Variants in CLTB observed in about 807,000 individuals in gnomAD.
CLTB encodes the protein clathrin light chain B.
A neutral mutation model predicts 30.5 loss-of-function variants in CLTB; 10 were observed. That is an observed-to-expected ratio of 0.33 (90% confidence interval 0.20 to 0.56). The LOEUF (loss-of-function observed/expected upper bound fraction) is 0.56, where lower values mean the gene tolerates loss of function less well. Ranked by LOEUF, CLTB falls within the 20% of genes least tolerant of loss-of-function variation. The pLI, the probability that CLTB is intolerant of heterozygous loss-of-function variation, is 0.91. For missense variants in CLTB, 261 were observed against 308.3 expected (o/e 0.85, Z 1.15); for synonymous variants, 102 against 120.3 (o/e 0.85, Z 1.00).
intron 5 of CLTB, among the ~76,000 whole-genome samples, chr5:176,395,002 G>A (rs528311526): frequency 2.3e-4 from 35 of 152,094 alleles, no homozygotes; most frequent in African/African-American, 8.2e-4. Context: ...ACTGCCTTCT[G>A]GATCAAGTCT....
In CLTB at chr5:176,398,062, C is replaced by T. The variant is rs761946990; in HGVS notation, c.235-15G>A. 9 of 1,610,330 alleles carry T rather than the reference C, an allele frequency of 5.6e-6. No homozygotes were observed. The highest frequency in any genetic ancestry group is 2.2e-5 in the East Asian group (1 of 44,864). On this transcript the variant is annotated splice_polypyrimidine_tract_variant and intron_variant, in intron 2 of 5. Transcript: ENST00000310418. The stretch of plus-strand genomic sequence containing the variant: ...CCGTTGGCCTCCTAGAACACAAACA[C>T]GCAGCAGTCTATCCAGCCAGCACAC...
chr5:176,404,798 C>T (rs141434949), intron 2 of CLTB, among the ~76,000 whole-genome samples: 6 of 152,288 alleles, frequency 3.9e-5, no homozygotes, highest in Admixed American at 1.3e-4. Flanking sequence ...AATGAGTGAC[C>T]GACCCTCTGT....
In CLTB at chr5:176,406,127, C is replaced by T. The variant is rs551395927; in HGVS notation, c.234+4130G>A. 1.7e-4 allele frequency: 163 copies of T among 985,322 alleles called. No individual in the cohort carries two copies. The African/African-American group carries it at 2.7e-3, about 16-fold the overall frequency. The allele number at this position is 985,322 out of a possible 1,614,324, so 61.0% of individuals were successfully genotyped here. ...CCTACCCTTGCCAGTGACAGTGTCA[C>T]GGGCCACAACTGGGCTCTCGTTTAA... On this transcript the variant is annotated intron_variant, in intron 2 of 5. Transcript: ENST00000310418.
intron 2 of CLTB, among the ~76,000 whole-genome samples, chr5:176,398,478 G>A (rs576138401): frequency 1.6e-4 from 25 of 152,224 alleles, no homozygotes; most frequent in South Asian, 8.3e-4. Flanking sequence ...TTGGGAGGCC[G>A]AGGCGGCAAA....
intron 2 of CLTB, among the ~76,000 whole-genome samples, chr5:176,408,267 C>T (rs1397119460): frequency 6.6e-6 from 1 of 150,982 alleles, no homozygotes; most frequent in African/African-American, 2.4e-5. Flanking sequence ...GGCACGGTGG[C>T]TCGTGCCTGT....
chr5:176,416,320 G>A lies in CLTB; in HGVS notation c.44C>T (p.Ala15Val), dbSNP rs776931397. 6.4e-5 allele frequency: 102 copies of A among 1,602,600 alleles called. No homozygotes were observed. The highest frequency in any genetic ancestry group is 8.4e-5 in the Non-Finnish European group (99 of 1,176,280). Residue 15 changes from alanine to valine, a missense_variant, in exon 1 of 6, where the codon GCC (alanine) becomes GTC (valine). Transcript: ENST00000310418. ...CGGGTCCTCCTCCGCCGCCTCCGGG[G>A]CACCGCTCTCCGACGACGAGAAGAA... ...FGFFSSSESG[A>V]PEAAEEDPAA...
chr5:176,406,013 G>A (rs1448017414), intron 2 of CLTB: 25 of 355,448 alleles, frequency 7.0e-5, no homozygotes, highest in Non-Finnish European at 7.9e-6. Context: ...GAGCACAGTG[G>A]TGCTGCTGGC....
At chr5:176,406,772 G>A in intron 2 of CLTB, 6 of 1,204,344 alleles carry the variant, frequency 5.0e-6, no homozygotes, top group Non-Finnish European at 6.4e-6. Flanking sequence ...AGTGTTGGGT[G>A]TGCACAGGCC....
intron 2 of CLTB, among the ~76,000 whole-genome samples, chr5:176,399,059 A>T (rs1238678578): frequency 6.6e-6 from 1 of 151,946 alleles, no homozygotes; most frequent in Non-Finnish European, 1.5e-5. Flanking sequence ...GGTCAGGCTG[A>T]TCTCGAACTC....
At chr5:176,401,278 C>T (rs546180817) in intron 2 of CLTB, among the ~76,000 whole-genome samples, 1 of 152,202 alleles carries the variant, frequency 6.6e-6, no homozygotes, top group Non-Finnish European at 1.5e-5. Context: ...TATCCAGGTG[C>T]CCTATTTTAT....
chr5:176,397,999 T>C lies in CLTB; in HGVS notation c.283A>G (p.Arg95Gly). ...DGYAAIAQAD[R>G]LTQEPESIRK... ...ATGCTCTCAGGCTCCTGGGTCAGCC[T>C]GTCAGCCTGGGCAATGGCTGCGTAG... is the stretch of plus-strand genomic sequence containing the variant. The change falls in exon 3 of 6, where the codon AGG (arginine) becomes GGG (glycine). Residue 95 changes from arginine (R) to glycine (G), a missense_variant. By Grantham distance (125) the Arg-to-Gly change is moderately radical (BLOSUM62 -2). Coordinates refer to ENST00000310418, the MANE Select transcript of CLTB (RefSeq NM_007097.5). The C allele has an allele frequency of 6.2e-7, 1 of 1,614,114 alleles. No individual in the cohort carries two copies. Among genetic ancestry groups the C allele is most frequent in the Non-Finnish European group, 8.5e-7 (1 of 1,180,040 alleles).
At chr5:176,415,272 C>G (rs1380305627) in intron 1 of CLTB, among the ~76,000 whole-genome samples, 1 of 152,212 alleles carries the variant, frequency 6.6e-6, no homozygotes, top group Non-Finnish European at 1.5e-5. Flanking sequence ...CCCTGAAGGG[C>G]CCTACCGCAT....
chr5:176,396,685 G>A (rs1313477986), intron 4 of CLTB, among the ~76,000 whole-genome samples, 153 bp from the exon 5 acceptor site: 1 of 152,090 alleles, frequency 6.6e-6, no homozygotes, highest in Non-Finnish European at 1.5e-5. Flanking sequence ...GCTCAGCAAC[G>A]ACCCACAGCC....
Position 176,412,619 on chromosome 5 carries a change from T to C in CLTB, c.188-2316A>G, listed in dbSNP as rs545002062. The stretch of plus-strand genomic sequence containing the variant: ...CAGACAGGGCTGTGAGCAGCGACAG[T>C]GTGTTTGGCCTGGGGACTCAAGGGA... On this transcript the variant is annotated intron_variant, in intron 1 of 5. Transcript: ENST00000310418. Among the ~76,000 whole-genome samples, 7 of 152,264 alleles carry C rather than the reference T, an allele frequency of 4.6e-5. No homozygotes were observed. The East Asian group carries it at 1.4e-3, about 29-fold the overall frequency.
chr5:176,395,604 A>T (rs1756481626), intron 5 of CLTB, among the ~76,000 whole-genome samples: 2 of 152,120 alleles, frequency 1.3e-5, no homozygotes, highest in Non-Finnish European at 2.9e-5. Flanking sequence ...TGTCTCTACC[A>T]ACTAACTGAC....
chr5:176,402,620 T>C lies in CLTB; in HGVS notation c.235-4573A>G, dbSNP rs185916890. Among the ~76,000 whole-genome samples the C allele has an allele frequency of 6.6e-3, 1,000 of 152,320 alleles. 9 individuals are homozygous for C. Among genetic ancestry groups the C allele is most frequent in the Non-Finnish European group, 0.011 (760 of 68,024 alleles). ...TGAGGGCAGAGGCTGCCTGTTTCCA[T>C]ACAGCACCCAGCACCGGGAGGGCCT... is the stretch of plus-strand genomic sequence containing the variant. On this transcript the variant is annotated intron_variant, in intron 2 of 5. Coordinates refer to ENST00000310418, the MANE Select transcript of CLTB (RefSeq NM_007097.5).
intron 2 of CLTB, among the ~76,000 whole-genome samples, chr5:176,407,844 T>A (rs1561798962): frequency 6.6e-6 from 1 of 152,168 alleles, no homozygotes; most frequent in Non-Finnish European, 1.5e-5. Context: ...GATAGTTGAG[T>A]AATTTTCCAG....
chr5:176,414,767 C>T lies in CLTB; in HGVS notation c.187+1410G>A, dbSNP rs59012989. On this transcript the variant is annotated intron_variant, in intron 1 of 5. Transcript: ENST00000310418. Reference sequence around the variant, plus strand: ...GGGCAAGATACTCAGATTCTCTGGGCCACCGGTTTCTTGCATGTTACAAAA... The same window carrying T: ...GGGCAAGATACTCAGATTCTCTGGGTCACCGGTTTCTTGCATGTTACAAAA... 2.8e-3 allele frequency among the ~76,000 whole-genome samples: 423 copies of T among 152,262 alleles called. 2 individuals carry two copies. The highest frequency in any genetic ancestry group is 9.8e-3 in the African/African-American group (405 of 41,534).
chr5:176,402,171 G>A (rs1460091685), intron 2 of CLTB, among the ~76,000 whole-genome samples: 3 of 152,144 alleles, frequency 2.0e-5, no homozygotes, highest in East Asian at 3.9e-4. Flanking sequence ...GTGTGGTGGC[G>A]GACGCCTGTA....
Sources: allele counts gnomAD v4.1 joint callset (sites outside exome capture counted in the v4.1 genomes callset), GRCh38; gene constraint gnomAD v4.1.1; transcripts MANE v1.5; gene names NCBI Gene and HGNC (gene_info 2026-07-23, HGNC 2026-07-21).